Variants in SGCD observed in about 807,000 individuals in gnomAD.
The protein encoded by SGCD is sarcoglycan delta.
In SGCD, 18 loss-of-function variants were observed where a neutral mutation model predicts 36.6. That is an observed-to-expected ratio of 0.49 (90% CI 0.34 to 0.73). The LOEUF (loss-of-function observed/expected upper bound fraction) is 0.73, where lower values mean the gene tolerates loss of function less well. SGCD is among the 30% of genes least tolerant of loss of function. SGCD has a pLI of 0.01. For missense variants in SGCD, 387 were observed against 346.7 expected, an observed-to-expected ratio of 1.12 and a Z score of -0.92; for synonymous variants, 133 against 130.6, an observed-to-expected ratio of 1.02 and a Z score of -0.12.
chr5:156,214,660 A>G (rs190939865), intron 3 of SGCD, among the ~76,000 whole-genome samples: 1 of 152,130 alleles, frequency 6.6e-6, no homozygotes, highest in Non-Finnish European at 1.5e-5. Context: ...AACAAAAAGA[A>G]CAAAGCCAGA....
At chr5:155,886,800 G>A (rs914086950) in intron 1 of SGCD, among the ~76,000 whole-genome samples, 7 of 152,218 alleles carry the variant, frequency 4.6e-5, no homozygotes, top group Admixed American at 1.3e-4. Context: ...AGTGCTCTGT[G>A]AAGGAGAATG....
At chr5:156,016,336 G>A (rs1758977525) in intron 1 of SGCD, among the ~76,000 whole-genome samples, 1 of 152,052 alleles carries the variant, frequency 6.6e-6, no homozygotes, top group Non-Finnish European at 1.5e-5. Flanking sequence ...TTTAAATGCA[G>A]TTAGGTTTGT....
chr5:156,010,243 CT>C (rs1423130878), intron 1 of SGCD, among the ~76,000 whole-genome samples: 2 of 152,166 alleles, frequency 1.3e-5, no homozygotes, highest in Non-Finnish European at 2.9e-5. Flanking sequence ...ATTAAAATCT[CT>C]GTTGATTAAA....
chr5:155,997,918 C>T (rs1165506802), intron 1 of SGCD, among the ~76,000 whole-genome samples: 4 of 152,144 alleles, frequency 2.6e-5, no homozygotes, highest in Non-Finnish European at 5.9e-5. Flanking sequence ...GTCAATCATT[C>T]CACAGCATCT....
chr5:155,773,993 T>C, the SGCD span, among the ~76,000 whole-genome samples: 1 of 152,172 alleles, frequency 6.6e-6, no homozygotes, highest in African/African-American at 2.4e-5. Context: ...ATGTTGATAG[T>C]TGAGTTCTAG....
At chr5:156,199,904 G>A (rs766761945) in intron 3 of SGCD, among the ~76,000 whole-genome samples, 7 of 152,076 alleles carry the variant, frequency 4.6e-5, no homozygotes, top group Non-Finnish European at 7.4e-5. Context: ...GGGCCTCATG[G>A]ACTTTAGGTC....
At chr5:156,178,119 T>C (rs1763516422) in intron 3 of SGCD, among the ~76,000 whole-genome samples, 1 of 152,164 alleles carries the variant, frequency 6.6e-6, no homozygotes, top group African/African-American at 2.4e-5. Flanking sequence ...ATGTAATTTA[T>C]TGAATAACAT....
chr5:156,057,999 G>A (rs2127582974), intron 1 of SGCD, among the ~76,000 whole-genome samples: 1 of 146,048 alleles, frequency 6.8e-6, no homozygotes, highest in East Asian at 1.9e-4. Flanking sequence ...GACATCTTCA[G>A]GCAGTAAATG....
intron 3 of SGCD, among the ~76,000 whole-genome samples, chr5:156,212,539 A>G (rs1212236770): frequency 6.6e-6 from 1 of 152,198 alleles, no homozygotes; most frequent in African/African-American, 2.4e-5. Context: ...AGATTGCAAT[A>G]CAACAACAGT....
chr5:155,766,141 A>G, the SGCD span, among the ~76,000 whole-genome samples: 1 of 152,126 alleles, frequency 6.6e-6, no homozygotes, highest in Non-Finnish European at 1.5e-5. Flanking sequence ...AGAAGGGAGA[A>G]GCCATAACTG....
At chr5:155,765,850 A>T in the SGCD span, among the ~76,000 whole-genome samples, 1 of 152,254 alleles carries the variant, frequency 6.6e-6, no homozygotes, top group East Asian at 1.9e-4. Context: ...CTGGGAAGAA[A>T]TTAAGCTGTG....
chr5:156,393,529 G>GT (rs1351205296), intron 3 of SGCD, among the ~76,000 whole-genome samples: 2 of 152,234 alleles, frequency 1.3e-5, no homozygotes, highest in East Asian at 3.9e-4. Flanking sequence ...TTAGTTTATT[G>GT]TATCTGTGTA....
intron 3 of SGCD, among the ~76,000 whole-genome samples, chr5:156,390,737 A>G (rs1035310594): frequency 2.6e-5 from 4 of 152,214 alleles, no homozygotes; most frequent in Non-Finnish European, 5.9e-5. Context: ...TCTCAGGGAA[A>G]AAAAAAGTTT....
At chr5:156,019,269 G>A (rs372469500) in intron 1 of SGCD, among the ~76,000 whole-genome samples, 2 of 152,190 alleles carry the variant, frequency 1.3e-5, no homozygotes, top group African/African-American at 2.4e-5. Context: ...CTAGGGAGCA[G>A]TAAATCACCA....
intron 3 of SGCD, among the ~76,000 whole-genome samples, chr5:156,128,489 AT>A (rs1346845914): frequency 1.3e-5 from 2 of 151,474 alleles, no homozygotes; most frequent in African/African-American, 4.9e-5. Flanking sequence ...ACAAAAAAAA[AT>A]GGATAAACTC....
At chr5:155,873,605 C>CAA (rs1755704737) in intron 1 of SGCD, among the ~76,000 whole-genome samples, 1 of 152,164 alleles carries the variant, frequency 6.6e-6, no homozygotes, top group African/African-American at 2.4e-5. Context: ...TGGCTGCACT[C>CAA]AAAGCCTAGA....
At chr5:155,792,475 A>G in the SGCD span, among the ~76,000 whole-genome samples, 7 of 151,646 alleles carry the variant, frequency 4.6e-5, no homozygotes, top group Non-Finnish European at 1.0e-4. Context: ...AACAGGCTAC[A>G]TAATGGGAGA....
intron 3 of SGCD, among the ~76,000 whole-genome samples, chr5:156,305,467 A>G (rs1303752604): frequency 6.6e-6 from 1 of 152,170 alleles, no homozygotes; most frequent in South Asian, 2.1e-4. Context: ...ACCTCTACCT[A>G]GATTTCAGAG....
At chr5:156,464,793 A>G (rs1019476779) in intron 3 of SGCD, among the ~76,000 whole-genome samples, 5 of 152,166 alleles carry the variant, frequency 3.3e-5, no homozygotes, top group Non-Finnish European at 7.3e-5. Context: ...TATGTTTGTC[A>G]AATAACGTAA....
Sources: allele counts gnomAD v4.1 joint callset (sites outside exome capture counted in the v4.1 genomes callset), GRCh38; gene constraint gnomAD v4.1.1; transcripts MANE v1.5; gene names NCBI Gene and HGNC (gene_info 2026-07-23, HGNC 2026-07-21).